Variants in PHEX observed in about 807,000 individuals in gnomAD.
PHEX encodes phosphate-regulating neutral endopeptidase PHEX.
Under a neutral mutation model 68.0 loss-of-function variants are expected in PHEX, and 16 were observed. The observed-to-expected ratio is 0.24, with a 90% CI of 0.16 to 0.36. PHEX has a LOEUF of 0.36. Among genes scored for constraint, PHEX ranks in the 10% least tolerant of loss-of-function variants. The probability of loss-of-function intolerance (pLI) is 1.00; values close to 1 mark genes in which losing one functional copy is unlikely to be tolerated. For missense variants in PHEX, 480 were observed against 575.5 expected (o/e 0.83, Z 1.70); for synonymous variants, 208 against 205.1 (o/e 1.01, Z -0.12).
chrX:22,141,198 T>C (rs1227589828), intron 12 of PHEX, among the ~76,000 whole-genome samples: 1 of 111,712 alleles, frequency 9.0e-6, no homozygotes, highest in Non-Finnish European at 1.9e-5. Flanking sequence ...GCATCTGTAC[T>C]TTAATCAGTC....
chrX:22,136,272 C>T (rs1174236540), intron 12 of PHEX, among the ~76,000 whole-genome samples: 2 of 111,088 alleles, frequency 1.8e-5, no homozygotes, highest in African/African-American at 3.3e-5. Context: ...CCTAATAATT[C>T]CTTGAATCTT....
chrX:22,220,199 G>T (rs1463937962), intron 17 of PHEX, among the ~76,000 whole-genome samples: 2 of 111,369 alleles, frequency 1.8e-5, no homozygotes, highest in Non-Finnish European at 3.8e-5. Context: ...TCAGGAACCA[G>T]CTGCCCTAAG....
chrX:22,174,502 T>C (rs936654557), intron 13 of PHEX, among the ~76,000 whole-genome samples: 1 of 111,817 alleles, frequency 8.9e-6, no homozygotes, highest in African/African-American at 3.2e-5. Context: ...ATCCCACTGA[T>C]ATTATTTTTT....
At chrX:22,180,552 G>A (rs1351091858) in intron 14 of PHEX, among the ~76,000 whole-genome samples, 2 of 111,692 alleles carry the variant, frequency 1.8e-5, no homozygotes, top group Non-Finnish European at 3.8e-5. Context: ...TTCAATACAG[G>A]CATAAAATGT....
chrX:22,192,942 T>C (rs11798001), intron 15 of PHEX, among the ~76,000 whole-genome samples: 235 of 110,723 alleles, frequency 2.1e-3, no homozygotes, highest in Non-Finnish European at 3.6e-3. Context: ...GAGAGAGAAA[T>C]GAACAGAAAG....
chrX:22,178,296 C>T lies in PHEX; in HGVS notation c.1506C>T (p.Tyr502=). 8.3e-7 allele frequency: 1 copy of T among 1,200,052 alleles called. No individual in the cohort carries two copies. The highest frequency in any genetic ancestry group is 1.1e-6 in the Non-Finnish European group (1 of 886,043). Residue 502 remains tyrosine, a synonymous_variant, in exon 14 of 22, where the codon TAC becomes TAT. Transcript: ENST00000379374. ...LKAIKFSEAD[Y]FGNVLQTRKY... ...AGATCAAGTTTTCAGAAGCCGACTA[C>T]TTTGGCAACGTCCTACAAACTCGCA...
Position 22,038,543 on chromosome X carries a change from T to A in PHEX, c.187+6T>A. The A allele has an allele frequency of 8.8e-7, 1 of 1,131,971 alleles. No individual in the cohort carries two copies. The highest frequency in any genetic ancestry group is 1.2e-6 in the Non-Finnish European group (1 of 822,772). 93.3% of individuals were successfully genotyped at this position (1,131,971 alleles called of 1,213,427 possible). A position where few individuals can be genotyped will look rare whatever the true frequency, so the allele number is the denominator to read the frequency against. On this transcript the variant is annotated splice_donor_region_variant and intron_variant, in intron 2 of 21. Transcript: ENST00000379374. ...GCCAGAATGCATCGAAGCGGGTAAG[T>A]CACAGTTTTCCATCCTGTGTCAAGT...
intron 12 of PHEX, among the ~76,000 whole-genome samples, chrX:22,137,065 G>A (rs1569407516): frequency 9.0e-6 from 1 of 111,632 alleles, no homozygotes; most frequent in African/African-American, 3.3e-5. Flanking sequence ...TGAGTGTCAG[G>A]TGATAAAATA....
intron 2 of PHEX, among the ~76,000 whole-genome samples, chrX:22,042,353 G>A: frequency 8.9e-6 from 1 of 112,348 alleles, no homozygotes; most frequent in East Asian, 2.8e-4. Context: ...CAGACAGGCT[G>A]ACTGGGTTTG....
intron 9 of PHEX, among the ~76,000 whole-genome samples, chrX:22,100,299 G>A (rs1436448636): frequency 1.8e-5 from 2 of 111,746 alleles, no homozygotes; most frequent in Non-Finnish European, 3.8e-5. Flanking sequence ...GGGAGGCCAA[G>A]TAATCTTTAT....
intron 14 of PHEX, among the ~76,000 whole-genome samples, chrX:22,187,407 C>G: frequency 8.9e-6 from 1 of 111,888 alleles, no homozygotes. Context: ...AGCAGCGTGT[C>G]AAATCCTTCT....
chrX:22,069,385 AATAAGT>A (rs1478501549), intron 3 of PHEX, among the ~76,000 whole-genome samples: 1 of 112,051 alleles, frequency 8.9e-6, no homozygotes, highest in African/African-American at 3.2e-5. Context: ...TAACCTTGAT[AATAAGT>A]ATAATTCTTA....
chrX:22,211,798 C>G (rs919744333), intron 15 of PHEX, among the ~76,000 whole-genome samples: 13 of 112,197 alleles, frequency 1.2e-4, no homozygotes. Flanking sequence ...GGAGGCCTCA[C>G]AATTATCGTG....
intron 20 of PHEX, among the ~76,000 whole-genome samples, chrX:22,236,004 A>G (rs889561948): frequency 1.8e-5 from 2 of 111,333 alleles, no homozygotes. Context: ...ATCCAATTCA[A>G]TTTCCCATAA....
At position 22,102,657 on chromosome X, in the gene PHEX, C is replaced by G. The variant is rs1392432659; in HGVS notation, c.1079+3506C>G. Among the ~76,000 whole-genome samples, 3 of 112,408 alleles carry G rather than the reference C, an allele frequency of 2.7e-5. No individual in the cohort carries two copies. In the East Asian group the frequency reaches 8.4e-4, roughly 32 times the overall value. ...ACCCCAAAGGATAAAGAGGAATTTT[C>G]TAGGTAGGGAAGAATAGAGAAAAGG... On this transcript the variant is annotated intron_variant, in intron 9 of 21. Transcript: ENST00000379374.
At chrX:22,124,693 A>C (rs954456588) in intron 11 of PHEX, among the ~76,000 whole-genome samples, 3 of 112,127 alleles carry the variant, frequency 2.7e-5, no homozygotes, top group African/African-American at 9.7e-5. Context: ...AAGATGAGTT[A>C]TAAAATTAGA....
At chrX:22,234,882 C>G (rs1602424067) in intron 20 of PHEX, among the ~76,000 whole-genome samples, 2 of 110,794 alleles carry the variant, frequency 1.8e-5, no homozygotes, top group South Asian at 7.7e-4. Flanking sequence ...ACAAAAAACT[C>G]TTGCAGCTAG....
At chrX:22,175,079 C>A (rs187038072) in intron 13 of PHEX, among the ~76,000 whole-genome samples, 3 of 111,794 alleles carry the variant, frequency 2.7e-5, no homozygotes, top group African/African-American at 9.7e-5. Flanking sequence ...TAACCTGTCT[C>A]AAGGAAAAAC....
chrX:22,211,417 G>T (rs1934919467), intron 15 of PHEX, among the ~76,000 whole-genome samples: 1 of 111,947 alleles, frequency 8.9e-6, no homozygotes. Context: ...TAGCCTGAGT[G>T]TTACTTTTCA....
Sources: gnomAD v4.1 joint callset for allele counts (sites outside exome capture counted in the v4.1 genomes callset) on GRCh38, gnomAD v4.1.1 for gene constraint, MANE v1.5 for transcripts, NCBI Gene and HGNC (gene_info 2026-07-23, HGNC 2026-07-21) for gene names.